Variants in RPS6KL1 observed in about 807,000 individuals in gnomAD.
RPS6KL1 encodes ribosomal protein S6 kinase-like 1.
A neutral mutation model predicts 57.0 loss-of-function variants in RPS6KL1; 41 were observed. That is an observed-to-expected ratio of 0.72 (90% CI 0.56 to 0.93). The LOEUF (loss-of-function observed/expected upper bound fraction) is 0.93. RPS6KL1 is among the 40% of genes least tolerant of loss of function. The pLI is 0.00. For missense variants in RPS6KL1, 697 were observed against 727.7 expected, an observed-to-expected ratio of 0.96 and a Z score of 0.49; for synonymous variants, 287 against 309.7, an observed-to-expected ratio of 0.93 and a Z score of 0.77.
chr14:74,922,370 C>T lies in RPS6KL1; in HGVS notation c.-413G>A, dbSNP rs1340599191. On this transcript the variant is annotated 5_prime_UTR_variant, in exon 2 of 12. Coordinates refer to ENST00000557413, the MANE Select transcript of RPS6KL1 (RefSeq NM_031464.5). ...TGGGGTTTAGCACTTCTCCGTGGACCGGATGGATTGCCCCTGCTGTGTTTT... is the reference window on the plus strand; with the variant it reads ...TGGGGTTTAGCACTTCTCCGTGGACTGGATGGATTGCCCCTGCTGTGTTTT... 4 of 985,644 alleles carry T rather than the reference C, an allele frequency of 4.1e-6. No individual in the cohort carries two copies. Among genetic ancestry groups the T allele is most frequent in the East Asian group, 1.1e-4 (1 of 8,834 alleles). The allele number at this position is 985,644 out of a possible 1,614,324, so 61.1% of individuals were successfully genotyped here.
chr14:74,908,781 G>A (rs939898766), intron 10 of RPS6KL1, 69 bp downstream of exon 10: 70 of 1,381,824 alleles, frequency 5.1e-5, no homozygotes, highest in Non-Finnish European at 6.4e-5. Context: ...CTGGCTGGAT[G>A]GACTAAGCCT....
Position 74,909,580 on chromosome 14 carries a change from C to T in RPS6KL1, c.1233G>A (p.Arg411=). The T allele has an allele frequency of 1.2e-6, 2 of 1,611,646 alleles. No homozygotes were observed. Among genetic ancestry groups the T allele is most frequent in the Non-Finnish European group, 1.7e-6 (2 of 1,179,356 alleles). Residue 411 remains arginine, a synonymous_variant, in exon 8 of 12, where the codon CGG becomes CGA. Coordinates refer to ENST00000557413, the MANE Select transcript of RPS6KL1 (RefSeq NM_031464.5). ...GGAGCAGGTTCCCGGGGTGGAGGTCCCGGCACAGCACCCCCTGCTCGTGCA... is the reference window on the plus strand; with the variant it reads ...GGAGCAGGTTCCCGGGGTGGAGGTCTCGGCACAGCACCCCCTGCTCGTGCA... ...EALHEQGVLC[R]DLHPGNLLLD... is the part of the protein sequence containing the mutation.
intron 3 of RPS6KL1, 39 bp downstream of exon 3, chr14:74,921,238 T>TGCCCCCCCCCCCCCCCCCCCCCCCCCC: frequency 2.0e-5 from 17 of 840,088 alleles, no homozygotes; most frequent in East Asian, 2.6e-5. Context: ...CACTGGCCCT[T>TGCCCCCCCCCCCCCCCCCCCCCCCCCC]CCCCACCCAC....
chr14:74,921,985 G>T lies in RPS6KL1; in HGVS notation c.-28C>A. 1 of 234,356 alleles carries T rather than the reference G, an allele frequency of 4.3e-6. No individual in the cohort carries two copies. Among genetic ancestry groups the T allele is most frequent in the Non-Finnish European group, 7.8e-6 (1 of 128,926 alleles). The allele number at this position is 234,356 out of a possible 1,614,324, so 14.5% of individuals were successfully genotyped here. On this transcript the variant is annotated 5_prime_UTR_variant, in exon 2 of 12. Coordinates refer to ENST00000557413, the MANE Select transcript of RPS6KL1 (RefSeq NM_031464.5). Reference sequence around the variant, plus strand: ...GTAGAGACGGGGTTTTACCATGTTGGCCAGGCTGGTCTTGAACTCCTGACC... The same window carrying T: ...GTAGAGACGGGGTTTTACCATGTTGTCCAGGCTGGTCTTGAACTCCTGACC...
At chr14:74,919,481 C>T (rs915171368) in intron 4 of RPS6KL1, among the ~76,000 whole-genome samples, 3 of 152,114 alleles carry the variant, frequency 2.0e-5, no homozygotes, top group African/African-American at 4.8e-5. Context: ...AATTGCATGC[C>T]GGTTCACAAG....
At chr14:74,917,590 ACT>A (rs1887059566) in intron 5 of RPS6KL1, among the ~76,000 whole-genome samples, 1 of 152,182 alleles carries the variant, frequency 6.6e-6, no homozygotes, top group Non-Finnish European at 1.5e-5. Flanking sequence ...TACTGGCTGG[ACT>A]CTGATTTGAC....
chr14:74,908,819 C>T, intron 10 of RPS6KL1, 31 bp downstream of exon 10: 1 of 1,594,682 alleles, frequency 6.3e-7, no homozygotes, highest in Non-Finnish European at 8.6e-7. Flanking sequence ...GTGGCACCCA[C>T]CAGGGCACTA....
At chr14:74,907,358 TCAGA>T in intron 11 of RPS6KL1, 73 bp downstream of exon 11, 2 of 1,518,194 alleles carry the variant, frequency 1.3e-6, no homozygotes. Context: ...CACACGTGGT[TCAGA>T]CACAGTTCTG....
At chr14:74,907,305 C>T in intron 11 of RPS6KL1, 130 bp downstream of exon 11, 2 of 1,439,614 alleles carry the variant, frequency 1.4e-6, no homozygotes, top group South Asian at 2.8e-5. Flanking sequence ...AAATGTGTTG[C>T]CCCTACTGCC....
rs749418985 is a variant in RPS6KL1, at chr14:74,909,702, C to T, written c.1111G>A (p.Asp371Asn). ...RGMDQSCLSA[D>N]GAGRGCGRAT... ...CTGCCACAGCCCCGGCCGGCCCCAT[C>T]TGCTGACAGGCAGCTCTGATCCATG... Residue 371 changes from aspartate (D) to asparagine (N), a missense_variant, in exon 8 of 12, where the codon GAT becomes AAT. Transcript: ENST00000557413. The T allele has an allele frequency of 1.9e-6, 3 of 1,609,156 alleles. No homozygotes were observed. The highest frequency in any genetic ancestry group is 2.5e-6 in the Non-Finnish European group (3 of 1,179,914).
Position 74,906,108 on chromosome 14 carries a change from CAGT to C in RPS6KL1, c.*903_*905del, listed in dbSNP as rs1209258638. On this transcript the variant is annotated 3_prime_UTR_variant, in exon 12 of 12. Coordinates refer to ENST00000557413, the MANE Select transcript of RPS6KL1 (RefSeq NM_031464.5). ...CTTATCCCAAAAGGGCATGAAGTCA[CAGT>C]AGGCAGTGACATGGTAAACAGCCAG... The C allele has an allele frequency of 5.2e-6, 1 of 191,320 alleles. No homozygotes were observed. Among genetic ancestry groups the C allele is most frequent in the African/African-American group, 2.3e-5 (1 of 43,338 alleles). 11.9% of individuals were successfully genotyped at this position (191,320 alleles called of 1,614,324 possible). A position where few individuals can be genotyped will look rare whatever the true frequency, so the allele number is the denominator to read the frequency against.
chr14:74,921,274 C>T lies in RPS6KL1; in HGVS notation c.265+3G>A. The T allele has an allele frequency of 6.2e-7, 1 of 1,602,422 alleles. No homozygotes were observed. Among genetic ancestry groups the T allele is most frequent in the Non-Finnish European group, 8.5e-7 (1 of 1,169,880 alleles). On this transcript the variant is annotated splice_donor_region_variant and intron_variant, in intron 3 of 11. Coordinates refer to ENST00000557413, the MANE Select transcript of RPS6KL1 (RefSeq NM_031464.5). ...CCCAGCCCTGCCCAGCCCCGGTCCT[C>T]ACCGTGTATGCCACGGAGCAGCACG... is the stretch of plus-strand genomic sequence containing the variant.
chr14:74,911,373 G>C lies in RPS6KL1; in HGVS notation c.539C>G (p.Pro180Arg). Reference sequence around the variant, plus strand: ...CTCCCTGCTCACCATGTGGCACCTGGGTAGGCTCTGGGAGCAGCAGGGCAG... The same window carrying C: ...CTCCCTGCTCACCATGTGGCACCTGCGTAGGCTCTGGGAGCAGCAGGGCAG... Reference protein sequence around the residue: ...TGGTFVVKSLPRCHMVSRERL... With the variant: ...TGGTFVVKSLRRCHMVSRERL... Residue 180 changes from proline to arginine, a missense_variant, in exon 7 of 12, where the codon CCC becomes CGC. By Grantham distance (103) the Pro-to-Arg change is moderately radical (BLOSUM62 -2). Coordinates refer to ENST00000557413, the MANE Select transcript of RPS6KL1 (RefSeq NM_031464.5). 1 of 1,605,770 alleles carries C rather than the reference G, an allele frequency of 6.2e-7. No individual in the cohort carries two copies. The highest frequency in any genetic ancestry group is 8.5e-7 in the Non-Finnish European group (1 of 1,178,528).
At position 74,904,818 on chromosome 14, in the gene RPS6KL1, G is replaced by A. The variant is rs1388076003; in HGVS notation, c.*2196C>T. 6.6e-6 allele frequency: 1 copy of A among 152,232 alleles called. No individual in the cohort carries two copies. Among genetic ancestry groups the A allele is most frequent in the African/African-American group, 2.4e-5 (1 of 41,444 alleles). The allele number at this position is 152,232 out of a possible 1,614,324, so 9.4% of individuals were successfully genotyped here. ...ATGACCTAGGAGCAGTGGTCAGTGA[G>A]CGTGAGTGTACAGGGTGGGTAGCTA... is the stretch of plus-strand genomic sequence containing the variant. On this transcript the variant is annotated 3_prime_UTR_variant, in exon 12 of 12. Coordinates refer to ENST00000557413, the MANE Select transcript of RPS6KL1 (RefSeq NM_031464.5).
In RPS6KL1 at chr14:74,918,519, G is replaced by A. The variant is rs1887244036; in HGVS notation, c.477C>T (p.Ile159=). The A allele has an allele frequency of 6.5e-7, 1 of 1,531,220 alleles. No individual in the cohort carries two copies. The highest frequency in any genetic ancestry group is 1.2e-5 in the South Asian group (1 of 82,888). 94.9% of individuals were successfully genotyped at this position (1,531,220 alleles called of 1,614,324 possible). A position where few individuals can be genotyped will look rare whatever the true frequency, so the allele number is the denominator to read the frequency against. ...QLRGCRVVGV[I]EKVQLVQDPA... is the part of the protein sequence containing the mutation. The stretch of plus-strand genomic sequence containing the variant: ...CGAGTGTCCACTCACTCACCTTCTC[G>A]ATGACCCCGACCACCCTGCAGCCCC... The change falls in exon 5 of 12, where the codon ATC becomes ATT. Residue 159 remains isoleucine, a synonymous_variant. Transcript: ENST00000557413.
rs569042836 is a variant in RPS6KL1 at position 74,904,162 on chromosome 14, G to A, written c.*2852C>T. The A allele has an allele frequency of 6.6e-5, 10 of 152,334 alleles. No individual in the cohort carries two copies. The highest frequency in any genetic ancestry group is 2.2e-4 in the African/African-American group (9 of 41,556). The allele number at this position is 152,334 out of a possible 1,614,324, so 9.4% of individuals were successfully genotyped here. A position where few individuals can be genotyped will look rare whatever the true frequency, so the allele number is the denominator to read the frequency against. On this transcript the variant is annotated 3_prime_UTR_variant, in exon 12 of 12. Coordinates refer to ENST00000557413, the MANE Select transcript of RPS6KL1 (RefSeq NM_031464.5). Reference sequence around the variant, plus strand: ...GGTCTGGAGAGGCAGGACAGCTCAAGACCTGGGGATGTTGTCATAGGCAGA... The same window carrying A: ...GGTCTGGAGAGGCAGGACAGCTCAAAACCTGGGGATGTTGTCATAGGCAGA...
intron 5 of RPS6KL1, among the ~76,000 whole-genome samples, chr14:74,915,285 T>C (rs1308844832): frequency 6.6e-6 from 1 of 152,126 alleles, no homozygotes; most frequent in Admixed American, 6.5e-5. Context: ...CGTTCCCCCA[T>C]GGTGACTGTG....
chr14:74,921,238 T>TACCCCCCCCCCCCCCCCCCCCCC, intron 3 of RPS6KL1, 39 bp downstream of exon 3: 1 of 840,166 alleles, frequency 1.2e-6, no homozygotes, highest in Middle Eastern at 2.6e-4. Context: ...CACTGGCCCT[T>TACCCCCCCCCCCCCCCCCCCCCC]CCCCACCCAC....
Position 74,910,030 on chromosome 14 carries a change from G to T in RPS6KL1, c.783C>A (p.Thr261=). 6.2e-7 allele frequency: 1 copy of T among 1,613,646 alleles called. No individual in the cohort carries two copies. Among genetic ancestry groups the T allele is most frequent in the African/African-American group, 1.3e-5 (1 of 75,044 alleles). ...AQLNPHLNLL[T]PARLPSGHAP... ...CATGGCCTGAGGGAAGCCTCGCTGG[G>T]GTCAGGAGGTTGAGGTGGGGGTTGA... Residue 261 remains threonine (T), a synonymous_variant, in exon 8 of 12, where the codon ACC becomes ACA. Coordinates refer to ENST00000557413, the MANE Select transcript of RPS6KL1 (RefSeq NM_031464.5).
Sources: gnomAD v4.1 joint callset for allele counts (sites outside exome capture counted in the v4.1 genomes callset) on GRCh38, gnomAD v4.1.1 for gene constraint, MANE v1.5 for transcripts, NCBI Gene and HGNC (gene_info 2026-07-23, HGNC 2026-07-21) for gene names.